The following NDUFB5 variants were observed in gnomAD, a reference collection of about 807,000 sequenced individuals.
NDUFB5 encodes the protein NADH:ubiquinone oxidoreductase subunit B5.
NDUFB5 carries 19 observed loss-of-function variants against 19.4 expected under a neutral mutation model. That is an observed-to-expected ratio of 0.98 (90% CI 0.68 to 1.43). The LOEUF is 1.43. Among genes scored for constraint, NDUFB5 ranks in the 40% most tolerant of loss-of-function variants. The probability of loss-of-function intolerance (pLI) is 0.00; values close to 1 mark genes in which losing one functional copy is unlikely to be tolerated. For missense variants in NDUFB5, 233 were observed against 236.5 expected (o/e 0.99, Z 0.10); for synonymous variants, 80 against 82.6 (o/e 0.97, Z 0.17).
intron 3 of NDUFB5, 139 bp downstream of exon 3, chr3:179,616,188 TTAAAA>T (rs2108398867): frequency 1.5e-6 from 1 of 666,688 alleles, no homozygotes; most frequent in East Asian, 2.7e-5. Flanking sequence ...GCAGTTTATC[TTAAAA>T]TAACCAAATC....
At chr3:179,608,360 T>G (rs1719158163) in intron 1 of NDUFB5, among the ~76,000 whole-genome samples, 1 of 151,906 alleles carries the variant, frequency 6.6e-6, no homozygotes, top group Non-Finnish European at 1.5e-5. Flanking sequence ...CCCGGCTAAT[T>G]TTTTGTATTT....
intron 1 of NDUFB5, among the ~76,000 whole-genome samples, chr3:179,606,253 G>A (rs552460691): frequency 1.8e-4 from 28 of 152,326 alleles, no homozygotes; most frequent in African/African-American, 6.7e-4. Flanking sequence ...TTTTACAGAT[G>A]AGGAAACTGA....
chr3:179,605,062 G>A, intron 1 of NDUFB5, 123 bp downstream of exon 1: 1 of 1,336,782 alleles, frequency 7.5e-7, no homozygotes, highest in East Asian at 2.8e-5. Flanking sequence ...CTTGGGGCTT[G>A]ACAGGAGAGA....
At position 179,624,572 on chromosome 3, in the gene NDUFB5, T is replaced by TATACACACACACACACACACACACACAC. The variant is rs750458055; in HGVS notation, c.*533_*534insTACACACACACACACACACACACACACA. 30 of 128,396 alleles carry TATACACACACACACACACACACACACAC rather than the reference T, an allele frequency of 2.3e-4. No individual in the cohort carries two copies. The highest frequency in any genetic ancestry group is 8.9e-4 in the African/African-American group (28 of 31,590). The allele number at this position is 128,396 out of a possible 1,614,324, so 8.0% of individuals were successfully genotyped here. A position where few individuals can be genotyped will look rare whatever the true frequency, so the allele number is the denominator to read the frequency against. On this transcript the variant is annotated 3_prime_UTR_variant, in exon 6 of 6. Transcript: ENST00000259037. ...AACTACACACAGACACACAGACACGTACACACACACACACACACACACACA... is the reference window on the plus strand; with the variant it reads ...AACTACACACAGACACACAGACACGTATACACACACACACACACACACACACACACACACACACACACACACACACACA...
chr3:179,605,793 CTT>C (rs1198004326), intron 1 of NDUFB5, among the ~76,000 whole-genome samples: 26 of 135,124 alleles, frequency 1.9e-4, no homozygotes, highest in Admixed American at 4.5e-4. Flanking sequence ...ATAATACAGT[CTT>C]TTTTTTTTTT....
rs1198250357 is a variant in NDUFB5 at position 179,625,635 on chromosome 3, C to G, written c.*1595C>G. The G allele has an allele frequency of 2.6e-5, 4 of 150,990 alleles. No individual in the cohort carries two copies. The East Asian group carries it at 7.7e-4, about 29-fold the overall frequency. The allele number at this position is 150,990 out of a possible 1,614,324, so 9.4% of individuals were successfully genotyped here. A position where few individuals can be genotyped will look rare whatever the true frequency, so the allele number is the denominator to read the frequency against. On this transcript the variant is annotated 3_prime_UTR_variant, in exon 6 of 6. Transcript: ENST00000259037. ...AATTTACCTACTGTACTATCAAATA[C>G]TAGAACTTATTCCTTGTATCTAAAT...
intron 5 of NDUFB5, among the ~76,000 whole-genome samples, chr3:179,619,802 T>G (rs1719485819): frequency 6.6e-6 from 1 of 152,222 alleles, no homozygotes; most frequent in Non-Finnish European, 1.5e-5. Context: ...TGAACTAGTT[T>G]ACAGTCCCAC....
intron 2 of NDUFB5, chr3:179,615,489 A>T: frequency 4.7e-6 from 2 of 422,264 alleles, no homozygotes; most frequent in Admixed American, 5.0e-5. Context: ...TCTATAGTGC[A>T]ATCTTAATTT....
chr3:179,625,809 A>C lies in NDUFB5; in HGVS notation c.*1769A>C, dbSNP rs894868481. On this transcript the variant is annotated 3_prime_UTR_variant, in exon 6 of 6. Transcript: ENST00000259037. ...GAGAACATTCAATATTTGTCTTTCT[A>C]GGCTTGGCTTATTTCACTTACATTA... 6.6e-6 allele frequency: 1 copy of C among 152,152 alleles called. No homozygotes were observed. The highest frequency in any genetic ancestry group is 1.5e-5 in the Non-Finnish European group (1 of 68,024). The allele number at this position is 152,152 out of a possible 1,614,324, so 9.4% of individuals were successfully genotyped here. A position where few individuals can be genotyped will look rare whatever the true frequency, so the allele number is the denominator to read the frequency against.
chr3:179,616,967 C>G lies in NDUFB5; in HGVS notation c.281-16C>G, dbSNP rs747881063. ...TCCTCATGCTAAAGTTAAACATAACCATTTTTTCTTATTAGGTCAAGCTGA... is the reference window on the plus strand; with the variant it reads ...TCCTCATGCTAAAGTTAAACATAACGATTTTTTCTTATTAGGTCAAGCTGA... On this transcript the variant is annotated splice_polypyrimidine_tract_variant and intron_variant, in intron 3 of 5. Transcript: ENST00000259037. 2.5e-6 allele frequency: 4 copies of G among 1,599,316 alleles called. No individual in the cohort carries two copies. The Admixed American group carries it at 5.0e-5, about 20-fold the overall frequency.
chr3:179,627,211 GAAATC>G lies in NDUFB5; in HGVS notation c.*3175_*3179del, dbSNP rs1311451368. 6.6e-6 allele frequency: 1 copy of G among 152,162 alleles called. No homozygotes were observed. Among genetic ancestry groups the G allele is most frequent in the Non-Finnish European group, 1.5e-5 (1 of 68,032 alleles). 9.4% of individuals were successfully genotyped at this position (152,162 alleles called of 1,614,324 possible). ...ATTGTTGTTAGAAAAGGAATTAAAA[GAAATC>G]AAAGAGTGTGTAAGCAGAAACTCAG... On this transcript the variant is annotated 3_prime_UTR_variant, in exon 6 of 6. Transcript: ENST00000259037.
chr3:179,611,193 T>C (rs1719230492), intron 1 of NDUFB5, among the ~76,000 whole-genome samples: 1 of 152,098 alleles, frequency 6.6e-6, no homozygotes, highest in Non-Finnish European at 1.5e-5. Context: ...CTTCTGAATA[T>C]TGGATGGCTT....
chr3:179,605,900 TC>T (rs1719082234), intron 1 of NDUFB5, among the ~76,000 whole-genome samples: 1 of 151,768 alleles, frequency 6.6e-6, no homozygotes, highest in African/African-American at 2.4e-5. Context: ...CAAGCGATTC[TC>T]CCGCCTCAGC....
chr3:179,624,034 C>T lies in NDUFB5; in HGVS notation c.564C>T (p.Asp188=). 3 of 1,612,676 alleles carry T rather than the reference C, an allele frequency of 1.9e-6. No individual in the cohort carries two copies. The highest frequency in any genetic ancestry group is 2.5e-6 in the Non-Finnish European group (3 of 1,179,134). Reference sequence around the variant, plus strand: ...ATCATTCTCCGAAAGCAACTCCTGACAATTAAGCATTTTTTTCTCCAAATA... The same window carrying T: ...ATCATTCTCCGAAAGCAACTCCTGATAATTAAGCATTTTTTTCTCCAAATA... ...LIDHSPKATP[D]N The change falls in exon 6 of 6, where the codon GAC becomes GAT. Residue 188 remains aspartate (D), a synonymous_variant. Coordinates refer to ENST00000259037, the MANE Select transcript of NDUFB5 (RefSeq NM_002492.4).
chr3:179,620,897 A>C (rs1263252722), intron 5 of NDUFB5, among the ~76,000 whole-genome samples: 1 of 152,102 alleles, frequency 6.6e-6, no homozygotes, highest in East Asian at 1.9e-4. Flanking sequence ...AAGTTGCACC[A>C]GTTGTTTCTT....
intron 1 of NDUFB5, among the ~76,000 whole-genome samples, chr3:179,611,196 G>A (rs1719231089): frequency 6.6e-6 from 1 of 152,200 alleles, no homozygotes. Flanking sequence ...CTGAATATTG[G>A]ATGGCTTATA....
chr3:179,613,919 T>C (rs1719311633), intron 1 of NDUFB5, among the ~76,000 whole-genome samples: 1 of 152,150 alleles, frequency 6.6e-6, no homozygotes, highest in African/African-American at 2.4e-5. Context: ...AGATAAGATG[T>C]TATCTGGGCC....
chr3:179,614,979 C>G lies in NDUFB5; in HGVS notation c.133C>G (p.Arg45Gly). The G allele has an allele frequency of 6.2e-7, 1 of 1,604,834 alleles. No individual in the cohort carries two copies. Among genetic ancestry groups the G allele is most frequent in the Non-Finnish European group, 8.5e-7 (1 of 1,173,628 alleles). ...TAATTCAATATTCCCAGCTCCTGTT[C>G]GACACAGTGGAGACCATGGGAAAAG... is the stretch of plus-strand genomic sequence containing the variant. ...RGFPKAAAPVRHSGDHGKRLF... is the reference protein window; with the variant it reads ...RGFPKAAAPVGHSGDHGKRLF... Residue 45 changes from arginine to glycine, a missense_variant, in exon 2 of 6, where the codon CGA becomes GGA. Transcript: ENST00000259037.
chr3:179,607,621 G>T (rs1309929422), intron 1 of NDUFB5: 1 of 565,438 alleles, frequency 1.8e-6, no homozygotes, highest in African/African-American at 1.9e-5. Flanking sequence ...ATTTTTAAGT[G>T]CACCGTTCAG....
Sources: allele counts gnomAD v4.1 joint callset (sites outside exome capture counted in the v4.1 genomes callset), GRCh38; gene constraint gnomAD v4.1.1; transcripts MANE v1.5; gene names NCBI Gene and HGNC (gene_info 2026-07-23, HGNC 2026-07-21).